CDC25C: variants seen among roughly 807,000 people sequenced by gnomAD.
The protein encoded by CDC25C is cell division cycle 25C, also known as M-phase inducer phosphatase 3.
In CDC25C, 48 loss-of-function variants were observed where a neutral mutation model predicts 52.5. The observed-to-expected ratio is 0.91, with a 90% CI of 0.72 to 1.16. CDC25C has a LOEUF of 1.16. Among genes scored for constraint, CDC25C ranks in the 50% most tolerant of loss-of-function variants. The probability of loss-of-function intolerance (pLI) is 0.00; values close to 1 mark genes in which losing one functional copy is unlikely to be tolerated. For missense variants in CDC25C, 510 were observed against 566.1 expected (o/e 0.90, Z 1.01); for synonymous variants, 187 against 206.5 (o/e 0.91, Z 0.81).
intron 13 of CDC25C, 57 bp downstream of exon 13, chr5:138,285,965 G>A (rs1248907765): frequency 3.9e-6 from 6 of 1,533,074 alleles, no homozygotes; most frequent in Non-Finnish European, 5.4e-6. Context: ...TGAAGGCTTT[G>A]CAGGCCCTGG....
chr5:138,319,355 T>C lies in CDC25C; in HGVS notation c.479A>G (p.Asp160Gly). 6.2e-7 allele frequency: 1 copy of C among 1,612,800 alleles called. No individual in the cohort carries two copies. The highest frequency in any genetic ancestry group is 8.5e-7 in the Non-Finnish European group (1 of 1,179,352). The change falls in exon 7 of 14, where the codon GAC (aspartate) becomes GGC (glycine). Residue 160 changes from aspartate (D) to glycine (G), a missense_variant. Coordinates refer to ENST00000323760, the MANE Select transcript of CDC25C (RefSeq NM_001790.5). ...ACTGCCCAAATATTTCATTTCACTG[T>C]CCACCAAGTTTCCATTGTCCTGTCA... is the stretch of plus-strand genomic sequence containing the variant. ...NKENDNGNLV[D>G]SEMKYLGSPI...
Position 138,331,697 on chromosome 5 carries a change from G to A in CDC25C, c.-141C>T, listed in dbSNP as rs1048772192. On this transcript the variant is annotated 5_prime_UTR_variant, in exon 1 of 14. Coordinates refer to ENST00000323760, the MANE Select transcript of CDC25C (RefSeq NM_001790.5). ...AGAATGAAAGGAAATCTAGGGGAAA[G>A]GAGGTAGTTAACTAGATTGCAGCTC... The A allele has an allele frequency of 1.3e-5, 13 of 990,930 alleles. No individual in the cohort carries two copies. Among genetic ancestry groups the A allele is most frequent in the Non-Finnish European group, 1.6e-5 (13 of 832,894 alleles). 61.4% of individuals were successfully genotyped at this position (990,930 alleles called of 1,614,324 possible). A position where few individuals can be genotyped will look rare whatever the true frequency, so the allele number is the denominator to read the frequency against.
intron 7 of CDC25C, among the ~76,000 whole-genome samples, chr5:138,303,423 C>G (rs1346739243): frequency 6.6e-6 from 1 of 152,088 alleles, no homozygotes; most frequent in Non-Finnish European, 1.5e-5. Context: ...CCTACAAGGC[C>G]CTACACGATC....
chr5:138,336,339 G>T (rs1393257681), upstream of CDC25C, among the ~76,000 whole-genome samples: 1 of 151,922 alleles, frequency 6.6e-6, no homozygotes, highest in Non-Finnish European at 1.5e-5. Context: ...TCACTTTGTT[G>T]CCAGGCTGGT....
At chr5:138,328,689 T>C (rs948465845) in intron 3 of CDC25C, 160 bp from the exon 4 acceptor site, 8 of 596,678 alleles carry the variant, frequency 1.3e-5, no homozygotes, top group Admixed American at 1.2e-4. Context: ...TGGTACAAGG[T>C]ACAATTTCAC....
At chr5:138,336,529 G>C (rs1760716352), upstream of CDC25C, among the ~76,000 whole-genome samples, 1 of 152,134 alleles carries the variant, frequency 6.6e-6, no homozygotes, top group Non-Finnish European at 1.5e-5. Context: ...TACAAAAATA[G>C]AAATAAATAT....
At chr5:138,305,219 A>G (rs1269053250) in intron 7 of CDC25C, among the ~76,000 whole-genome samples, 1 of 152,198 alleles carries the variant, frequency 6.6e-6, no homozygotes, top group African/African-American at 2.4e-5. Context: ...TGGAAGCCCC[A>G]TATCCTAGAA....
At chr5:138,306,897 G>T (rs555056292) in intron 7 of CDC25C, among the ~76,000 whole-genome samples, 1 of 151,358 alleles carries the variant, frequency 6.6e-6, no homozygotes, top group African/African-American at 2.4e-5. Context: ...ATGCTGGAGT[G>T]CAGCGGCACG....
rs1044104282 is a variant in CDC25C, at chr5:138,286,133, C to T, written c.1161G>A (p.Met387Ile). 1 of 1,611,244 alleles carries T rather than the reference C, an allele frequency of 6.2e-7. No homozygotes were observed. Among genetic ancestry groups the T allele is most frequent in the Non-Finnish European group, 8.5e-7 (1 of 1,177,928 alleles). The change falls in exon 13 of 14, where the codon ATG becomes ATA. Residue 387 changes from methionine to isoleucine, a missense_variant and splice_region_variant. Physicochemically the swap from Met to Ile is conservative, Grantham distance 10. Coordinates refer to ENST00000323760, the MANE Select transcript of CDC25C (RefSeq NM_001790.5). The stretch of plus-strand genomic sequence containing the variant: ...TGTCCTCTTCACGCAGACAGCGGCA[C>T]CTTTAGAGAGAACCCAGAGATGGGT... The part of the protein sequence containing the change: ...CEFSSERGPR[M>I]CRCLREEDRS...
intron 6 of CDC25C, among the ~76,000 whole-genome samples, chr5:138,324,771 GA>G (rs1178890313): frequency 6.6e-6 from 1 of 150,452 alleles, no homozygotes; most frequent in African/African-American, 2.4e-5. Context: ...CAAAAAAAAA[GA>G]AAAAAAAGTG....
chr5:138,331,251 C>T, intron 1 of CDC25C, 33 bp from the exon 2 acceptor site: 2 of 1,410,756 alleles, frequency 1.4e-6, no homozygotes, highest in Non-Finnish European at 2.0e-6. Flanking sequence ...ATCGGTACAT[C>T]ACAGTTCCCT....
At chr5:138,331,821 G>A, upstream of CDC25C, 2 of 970,092 alleles carry the variant, frequency 2.1e-6, no homozygotes, top group Non-Finnish European at 2.5e-6. Flanking sequence ...AGCCGCAGGC[G>A]TTGACCATTC....
chr5:138,317,032 T>C (rs1199482906), intron 7 of CDC25C, among the ~76,000 whole-genome samples: 5 of 152,132 alleles, frequency 3.3e-5, no homozygotes, highest in Non-Finnish European at 7.3e-5. Context: ...GGCAAGAGGA[T>C]TGCTGGAGCG....
chr5:138,317,965 C>A (rs1345464871), intron 7 of CDC25C, among the ~76,000 whole-genome samples: 3 of 152,140 alleles, frequency 2.0e-5, no homozygotes, highest in Non-Finnish European at 4.4e-5. Context: ...TTGACTGGAA[C>A]CTGTTCACCA....
At chr5:138,295,415 C>G (rs1233974667) in intron 7 of CDC25C, among the ~76,000 whole-genome samples, 1 of 152,134 alleles carries the variant, frequency 6.6e-6, no homozygotes, top group Non-Finnish European at 1.5e-5. Context: ...TAGTTCAAAA[C>G]CAGCTTGGGC....
At chr5:138,315,260 T>C (rs190533827) in intron 7 of CDC25C, among the ~76,000 whole-genome samples, 8 of 152,280 alleles carry the variant, frequency 5.3e-5, no homozygotes, top group African/African-American at 1.9e-4. Context: ...TTGTAATTGT[T>C]CTATTTTATT....
chr5:138,301,625 C>T (rs955558758), intron 7 of CDC25C, among the ~76,000 whole-genome samples: 8 of 150,374 alleles, frequency 5.3e-5, no homozygotes, highest in African/African-American at 2.0e-4. Flanking sequence ...GATACCAATA[C>T]CAAAACATTA....
At chr5:138,308,834 T>G (rs766395926) in intron 7 of CDC25C, among the ~76,000 whole-genome samples, 2 of 152,148 alleles carry the variant, frequency 1.3e-5, no homozygotes, top group Non-Finnish European at 2.9e-5. Context: ...TGGGGTCAGG[T>G]AGATCTTAGT....
At chr5:138,315,176 G>A (rs1758783960) in intron 7 of CDC25C, among the ~76,000 whole-genome samples, 1 of 151,192 alleles carries the variant, frequency 6.6e-6, no homozygotes, top group South Asian at 2.1e-4. Flanking sequence ...ACCCGCTTCG[G>A]CCTCCCAGTG....
Sources: gnomAD v4.1 joint callset for allele counts (sites outside exome capture counted in the v4.1 genomes callset) on GRCh38, gnomAD v4.1.1 for gene constraint, MANE v1.5 for transcripts, NCBI Gene and HGNC (gene_info 2026-07-23, HGNC 2026-07-21) for gene names.